ERBB4: variants seen among roughly 807,000 people sequenced by gnomAD.
ERBB4 encodes the protein erb-b2 receptor tyrosine kinase 4, also known as receptor tyrosine-protein kinase erbB-4.
A neutral mutation model predicts 158.0 loss-of-function variants in ERBB4; 42 were observed. The ratio of observed to expected loss-of-function variants is 0.27; its 90% CI spans 0.21 to 0.34. The LOEUF is 0.34. Ranked by LOEUF, ERBB4 falls within the 10% of genes least tolerant of loss-of-function variation. The pLI is 1.00. For missense variants in ERBB4, 1,333 were observed against 1,624.1 expected (o/e 0.82, Z 3.08); for synonymous variants, 583 against 558.7 (o/e 1.04, Z -0.61).
chr2:211,912,563 A>T (rs940176580), intron 3 of ERBB4, among the ~76,000 whole-genome samples: 2 of 152,206 alleles, frequency 1.3e-5, no homozygotes, highest in African/African-American at 4.8e-5. Context: ...TTTGAAATGA[A>T]AATTCAACCT....
intron 20 of ERBB4, among the ~76,000 whole-genome samples, chr2:211,526,402 GA>G (rs2066349813): frequency 6.6e-6 from 1 of 152,138 alleles, no homozygotes; most frequent in African/African-American, 2.4e-5. Context: ...CTGCAAGTCT[GA>G]AAGAACAAGC....
At chr2:211,474,812 G>A (rs2125534482) in intron 20 of ERBB4, among the ~76,000 whole-genome samples, 1 of 152,196 alleles carries the variant, frequency 6.6e-6, no homozygotes, top group Admixed American at 6.6e-5. Context: ...GAGAAGGGAA[G>A]GCAATGGAGG....
At position 212,374,021 on chromosome 2, in the gene ERBB4, CATAT is replaced by C. The variant is rs71054202; in HGVS notation, c.82+164424_82+164427del. Among the ~76,000 whole-genome samples, 152 of 77,554 alleles carry C rather than the reference CATAT, an allele frequency of 2.0e-3. 13 individuals carry two copies. The highest frequency in any genetic ancestry group is 3.3e-3 in the Non-Finnish European group (107 of 32,788). The allele number at this position is 77,554 out of a possible 152,430, so 50.9% of individuals were successfully genotyped here. ...CCATATATATATATCCATATATATC[CATAT>C]ATATATATCCATATATATCCATATA... On this transcript the variant is annotated intron_variant, in intron 1 of 27. Coordinates refer to ENST00000342788, the MANE Select transcript of ERBB4 (RefSeq NM_005235.3).
At chr2:211,575,102 C>A (rs1166634263) in intron 19 of ERBB4, among the ~76,000 whole-genome samples, 1 of 152,188 alleles carries the variant, frequency 6.6e-6, no homozygotes, top group African/African-American at 2.4e-5. Flanking sequence ...AGATTTGAAT[C>A]CAGTTCACAT....
At chr2:212,488,634 T>C (rs1690108393) in intron 1 of ERBB4, among the ~76,000 whole-genome samples, 1 of 151,888 alleles carries the variant, frequency 6.6e-6, no homozygotes, top group Non-Finnish European at 1.5e-5. Context: ...ATTAGAATGT[T>C]ACCAGGTATC....
At chr2:211,909,956 G>A (rs2079501069) in intron 3 of ERBB4, among the ~76,000 whole-genome samples, 1 of 151,620 alleles carries the variant, frequency 6.6e-6, no homozygotes, top group Admixed American at 6.6e-5. Flanking sequence ...GTCTTGCTTG[G>A]TCACCCAGGC....
rs546212259 is a variant in ERBB4 at position 211,808,290 on chromosome 2, A to T, written c.422-20131T>A. ...ACATTTAATTCTTTAATCCATCTTG[A>T]ATTAATTTTTGAATAAAGTGTAAGG... On this transcript the variant is annotated intron_variant, in intron 3 of 27. Coordinates refer to ENST00000342788, the MANE Select transcript of ERBB4 (RefSeq NM_005235.3). Among the ~76,000 whole-genome samples, 3 of 152,266 alleles carry T rather than the reference A, an allele frequency of 2.0e-5. No homozygotes were observed. The South Asian group carries it at 6.2e-4, about 32-fold the overall frequency.
chr2:212,361,971 C>T (rs1048306323), intron 1 of ERBB4, among the ~76,000 whole-genome samples: 1 of 151,378 alleles, frequency 6.6e-6, no homozygotes, highest in African/African-American at 2.4e-5. Flanking sequence ...TAGGTTATAT[C>T]CATTTAAAGC....
intron 20 of ERBB4, chr2:211,561,659 C>G: frequency 2.0e-6 from 1 of 501,918 alleles, no homozygotes; most frequent in Non-Finnish European, 3.6e-6. Flanking sequence ...GACTACCAAG[C>G]TATTTGTTTT....
chr2:212,409,205 G>A (rs1429705869), intron 1 of ERBB4, among the ~76,000 whole-genome samples: 2 of 152,052 alleles, frequency 1.3e-5, no homozygotes, highest in African/African-American at 4.8e-5. Context: ...ATTTAAATGA[G>A]GGTAAAAATA....
chr2:211,861,356 T>C (rs1289057348), intron 3 of ERBB4, among the ~76,000 whole-genome samples: 4 of 130,696 alleles, frequency 3.1e-5, no homozygotes, highest in African/African-American at 1.2e-4. Flanking sequence ...TTTTGTTTTT[T>C]TTTTTTTTTT....
chr2:211,516,776 C>T (rs868690219), intron 20 of ERBB4, among the ~76,000 whole-genome samples: 8 of 152,060 alleles, frequency 5.3e-5, no homozygotes, highest in African/African-American at 7.2e-5. Flanking sequence ...ACAGATTTCA[C>T]GGTAGAAGCA....
At chr2:211,875,050 A>AAAAAAAAAAC (rs66500425) in intron 3 of ERBB4, among the ~76,000 whole-genome samples, 17 of 75,862 alleles carry the variant, frequency 2.2e-4, no homozygotes, top group African/African-American at 3.3e-4. Flanking sequence ...AAAAAAAAAA[A>AAAAAAAAAAC]CAAACTCAAA....
chr2:211,808,346 G>C (rs1451489286), intron 3 of ERBB4, among the ~76,000 whole-genome samples: 1 of 152,010 alleles, frequency 6.6e-6, no homozygotes, highest in Non-Finnish European at 1.5e-5. Flanking sequence ...TCTACATATG[G>C]CTAGCCAGTT....
rs1193503311 is a variant in ERBB4 at position 211,383,726 on chromosome 2, C to T, written c.3816G>A (p.Gly1272=). 6.2e-7 allele frequency: 1 copy of T among 1,614,042 alleles called. No homozygotes were observed. Among genetic ancestry groups the T allele is most frequent in the Non-Finnish European group, 8.5e-7 (1 of 1,179,984 alleles). The part of the protein sequence containing the change: ...YSTKYFYKQN[G]RIRPIVAENP... Reference sequence around the variant, plus strand: ...TCTCTGCCACAATAGGCCGGATCCGCCCATTCTGTTTATAAAAATATTTTG... The same window carrying T: ...TCTCTGCCACAATAGGCCGGATCCGTCCATTCTGTTTATAAAAATATTTTG... The change falls in exon 28 of 28, where the codon GGG becomes GGA. Residue 1272 remains glycine, a synonymous_variant. Transcript: ENST00000342788.
chr2:212,538,343 G>A lies in ERBB4; in HGVS notation c.82+106C>T, dbSNP rs112275422. The stretch of plus-strand genomic sequence containing the variant: ...CCCAGGGAAGAGGCCCCGGTCAAGC[G>A]GTCCCTCCACGCCTCCCGGGATGGG... On this transcript the variant is annotated intron_variant, in intron 1 of 27. Coordinates refer to ENST00000342788, the MANE Select transcript of ERBB4 (RefSeq NM_005235.3). The A allele has an allele frequency of 4.2e-5, 41 of 971,444 alleles. 1 individual carries two copies. Among genetic ancestry groups the A allele is most frequent in the African/African-American group, 3.8e-4 (24 of 62,792 alleles). The allele number at this position is 971,444 out of a possible 1,614,324, so 60.2% of individuals were successfully genotyped here. A position where few individuals can be genotyped will look rare whatever the true frequency, so the allele number is the denominator to read the frequency against.
intron 2 of ERBB4, among the ~76,000 whole-genome samples, chr2:211,958,872 G>T (rs1401447186): frequency 7.2e-5 from 11 of 151,930 alleles, no homozygotes; most frequent in Admixed American, 7.2e-4. Flanking sequence ...TGCTTTAAAA[G>T]GTACTTTAAG....
chr2:212,239,551 C>T (rs2084007087), intron 1 of ERBB4, among the ~76,000 whole-genome samples: 2 of 152,274 alleles, frequency 1.3e-5, no homozygotes, highest in East Asian at 1.9e-4. Flanking sequence ...TTCCTCTGAA[C>T]TAGTGAGAAA....
intron 12 of ERBB4, among the ~76,000 whole-genome samples, chr2:211,697,948 T>C (rs2073085678): frequency 6.6e-6 from 1 of 152,148 alleles, no homozygotes; most frequent in South Asian, 2.1e-4. Context: ...GTAGTGATGA[T>C]ATAAAAATGG....
Sources: gnomAD v4.1 joint callset for allele counts (sites outside exome capture counted in the v4.1 genomes callset) on GRCh38, gnomAD v4.1.1 for gene constraint, MANE v1.5 for transcripts, NCBI Gene and HGNC (gene_info 2026-07-23, HGNC 2026-07-21) for gene names.